Variants in BMPR1B observed in about 807,000 individuals in gnomAD.
The protein encoded by BMPR1B is bone morphogenetic protein receptor type-1B.
BMPR1B carries 12 observed loss-of-function variants against 59.1 expected under a neutral mutation model. The observed-to-expected ratio is 0.20, with a 90% CI of 0.13 to 0.33. The LOEUF is 0.33. Ranked by LOEUF, BMPR1B falls within the 10% of genes least tolerant of loss-of-function variation. The probability of loss-of-function intolerance (pLI) is 1.00; values close to 1 mark genes in which losing one functional copy is unlikely to be tolerated. For missense variants in BMPR1B, 550 were observed against 610.9 expected, an observed-to-expected ratio of 0.90 and a Z score of 1.05; for synonymous variants, 237 against 207.3, an observed-to-expected ratio of 1.14 and a Z score of -1.23.
At chr4:94,995,583 G>A (rs1722005687) in intron 2 of BMPR1B, among the ~76,000 whole-genome samples, 1 of 152,178 alleles carries the variant, frequency 6.6e-6, no homozygotes, top group Admixed American at 6.5e-5. Context: ...CCGAAACAAA[G>A]GCAGTATTTC....
intron 1 of BMPR1B, among the ~76,000 whole-genome samples, chr4:94,808,504 G>C (rs1723693650): frequency 6.6e-6 from 1 of 152,142 alleles, no homozygotes; most frequent in South Asian, 2.1e-4. Flanking sequence ...TTTATTTGAA[G>C]TAATACTGAA....
rs117169528 is a variant in BMPR1B at position 94,850,079 on chromosome 4, A to G, written c.-182-25752A>G. On this transcript the variant is annotated intron_variant, in intron 1 of 12. Coordinates refer to ENST00000515059, the MANE Select transcript of BMPR1B (RefSeq NM_001203.3). Reference sequence around the variant, plus strand: ...TTCAGCCTCCCACAGCACCATGGACATGGGGCTCTTGTGTGCAGTGGGCTT... The same window carrying G: ...TTCAGCCTCCCACAGCACCATGGACGTGGGGCTCTTGTGTGCAGTGGGCTT... 7.7e-4 allele frequency among the ~76,000 whole-genome samples: 117 copies of G among 152,148 alleles called. 2 individuals carry two copies. In the East Asian group the frequency reaches 0.02, roughly 26 times the overall value.
chr4:94,807,343 T>C (rs1455560916), intron 1 of BMPR1B, among the ~76,000 whole-genome samples: 1 of 152,172 alleles, frequency 6.6e-6, no homozygotes, highest in African/African-American at 2.4e-5. Context: ...TCTGCCCACC[T>C]TGGCTTCCTA....
intron 1 of BMPR1B, among the ~76,000 whole-genome samples, chr4:94,845,709 A>G (rs1266114031): frequency 2.0e-5 from 3 of 152,232 alleles, no homozygotes; most frequent in Non-Finnish European, 2.9e-5. Flanking sequence ...TATTTCTTTC[A>G]GTCACAAGCT....
intron 1 of BMPR1B, among the ~76,000 whole-genome samples, chr4:94,825,350 T>A (rs865836827): frequency 7.9e-5 from 12 of 151,836 alleles, no homozygotes; most frequent in South Asian, 4.2e-4. Flanking sequence ...GAAAAATTTT[T>A]AAAAATTAGC....
intron 2 of BMPR1B, among the ~76,000 whole-genome samples, chr4:94,948,346 T>C (rs1729796928): frequency 6.6e-6 from 1 of 152,144 alleles, no homozygotes; most frequent in South Asian, 2.1e-4. Context: ...ATGAGGAATG[T>C]AGAAGAAAGG....
intron 2 of BMPR1B, among the ~76,000 whole-genome samples, chr4:94,926,223 A>T (rs1176237950): frequency 5.9e-5 from 9 of 151,742 alleles, no homozygotes; most frequent in African/African-American, 1.9e-4. Context: ...AAAAATAGGT[A>T]TGCTCTTTCA....
chr4:95,125,251 G>A, intron 8 of BMPR1B, 130 bp downstream of exon 8: 6 of 1,178,500 alleles, frequency 5.1e-6, no homozygotes, highest in East Asian at 2.5e-5. Flanking sequence ...TTGGACATCC[G>A]ATCTCAGCTG....
chr4:94,768,760 T>G (rs1722066408), intron 1 of BMPR1B, among the ~76,000 whole-genome samples: 1 of 152,162 alleles, frequency 6.6e-6, no homozygotes, highest in South Asian at 2.1e-4. Flanking sequence ...AAGATACATT[T>G]CTATTTTGTT....
intron 2 of BMPR1B, among the ~76,000 whole-genome samples, chr4:94,898,112 T>G (rs770950026): frequency 6.6e-6 from 1 of 151,462 alleles, no homozygotes; most frequent in Admixed American, 6.6e-5. Flanking sequence ...ATACTTGGAT[T>G]GTTTTTTAAA....
intron 1 of BMPR1B, among the ~76,000 whole-genome samples, chr4:94,850,982 T>C (rs1425509679): frequency 6.6e-6 from 1 of 152,210 alleles, no homozygotes; most frequent in Non-Finnish European, 1.5e-5. Flanking sequence ...TTACTACTTG[T>C]AGAAGGTAAT....
chr4:95,104,474 A>G lies in BMPR1B; in HGVS notation c.50A>G (p.Asp17Gly). The change falls in exon 4 of 13, where the codon GAT (aspartate) becomes GGT (glycine). Residue 17 changes from aspartate (D) to glycine (G), a missense_variant. Transcript: ENST00000515059. ...TTAAATGTGGGCACCAAGAAAGAGG[A>G]TGGTGAGAGTACAGCCCCCACCCCC... ...GKLNVGTKKE[D>G]GESTAPTPRP... 6.2e-7 allele frequency: 1 copy of G among 1,613,436 alleles called. No homozygotes were observed. The highest frequency in any genetic ancestry group is 8.5e-7 in the Non-Finnish European group (1 of 1,179,614).
At position 94,785,541 on chromosome 4, in the gene BMPR1B, CTG is replaced by C. The variant is rs566677865; in HGVS notation, c.-183+27475_-183+27476del. On this transcript the variant is annotated intron_variant, in intron 1 of 12. Transcript: ENST00000515059. Reference sequence around the variant, plus strand: ...GGGCATGGGGGTGGGGCATGGATAACTGTAAGGATTTTGGTGTTTTGGCAGCA... The same window carrying C: ...GGGCATGGGGGTGGGGCATGGATAACTAAGGATTTTGGTGTTTTGGCAGCA... Among the ~76,000 whole-genome samples, 18 of 152,142 alleles carry C rather than the reference CTG, an allele frequency of 1.2e-4. No individual in the cohort carries two copies. In the East Asian group the frequency reaches 2.9e-3, roughly 25 times the overall value.
At chr4:94,936,610 T>A (rs1729310034) in intron 2 of BMPR1B, among the ~76,000 whole-genome samples, 1 of 152,176 alleles carries the variant, frequency 6.6e-6, no homozygotes, top group Admixed American at 6.5e-5. Context: ...GAGTTTCCAG[T>A]GTAGGCTTTA....
chr4:94,817,075 C>A (rs7692640), intron 1 of BMPR1B, among the ~76,000 whole-genome samples: 59,638 of 151,968 alleles, frequency 0.39, 12,157 homozygotes, highest in African/African-American at 0.51. Context: ...CGGGACACAT[C>A]GTTCCTCCCC....
At chr4:95,096,017 A>T (rs371744322) in intron 3 of BMPR1B, among the ~76,000 whole-genome samples, 1 of 145,582 alleles carries the variant, frequency 6.9e-6, no homozygotes, top group Non-Finnish European at 1.5e-5. Flanking sequence ...ATAGTATGAA[A>T]TTTTTTTTAC....
chr4:95,017,378 T>C (rs1439309445), intron 3 of BMPR1B, among the ~76,000 whole-genome samples: 1 of 152,218 alleles, frequency 6.6e-6, no homozygotes, highest in African/African-American at 2.4e-5. Flanking sequence ...TCTCCACCTG[T>C]CTTCTTACTG....
At chr4:94,859,495 A>G (rs767625347) in intron 1 of BMPR1B, among the ~76,000 whole-genome samples, 1 of 152,154 alleles carries the variant, frequency 6.6e-6, no homozygotes, top group African/African-American at 2.4e-5. Context: ...TATTCCCCCA[A>G]TCCCCACATT....
intron 2 of BMPR1B, among the ~76,000 whole-genome samples, chr4:94,931,346 A>G (rs1729086028): frequency 6.6e-6 from 1 of 152,170 alleles, no homozygotes; most frequent in Non-Finnish European, 1.5e-5. Context: ...TACAAATGTT[A>G]TACACGTCGT....
Sources: allele counts gnomAD v4.1 joint callset (sites outside exome capture counted in the v4.1 genomes callset), GRCh38; gene constraint gnomAD v4.1.1; transcripts MANE v1.5; gene names NCBI Gene and HGNC (gene_info 2026-07-23, HGNC 2026-07-21).